Variants in EXOC6B observed in about 807,000 individuals in gnomAD.
EXOC6B encodes the protein SEC15 homolog B.
In EXOC6B, 54 loss-of-function variants were observed where a neutral mutation model predicts 113.5. That is an observed-to-expected ratio of 0.48 (90% CI 0.38 to 0.60). EXOC6B has a LOEUF of 0.60. EXOC6B is among the 20% of genes least tolerant of loss of function. EXOC6B has a pLI of 0.00. For synonymous variants in EXOC6B, 357 were observed against 339.0 expected, an observed-to-expected ratio of 1.05 and a Z score of -0.58; for missense variants, 797 against 977.5, an observed-to-expected ratio of 0.82 and a Z score of 2.46.
At chr2:72,428,402 C>T (rs927208295) in intron 18 of EXOC6B, among the ~76,000 whole-genome samples, 1 of 152,174 alleles carries the variant, frequency 6.6e-6, no homozygotes, top group African/African-American at 2.4e-5. Context: ...TCCCTGGTAC[C>T]AGCTGGGGAA....
At chr2:72,248,259 CATTTTGTGTTCAT>C (rs1462497415) in intron 20 of EXOC6B, among the ~76,000 whole-genome samples, 3 of 152,132 alleles carry the variant, frequency 2.0e-5, no homozygotes, top group Non-Finnish European at 4.4e-5. Flanking sequence ...CTTTAATCTT[CATTTTGTGTTCAT>C]ATTTATCAAC....
intron 1 of EXOC6B, among the ~76,000 whole-genome samples, chr2:72,750,132 A>G (rs1681949172): frequency 6.6e-6 from 1 of 151,792 alleles, no homozygotes; most frequent in Non-Finnish European, 1.5e-5. Context: ...ACAACACCAC[A>G]TTCAACTCCT....
At chr2:72,456,044 A>G (rs1333795558) in intron 18 of EXOC6B, among the ~76,000 whole-genome samples, 1 of 152,110 alleles carries the variant, frequency 6.6e-6, no homozygotes, top group Non-Finnish European at 1.5e-5. Context: ...CAGCTTCCAT[A>G]TTTGTTAAAT....
chr2:72,273,121 C>A (rs1374122560), intron 20 of EXOC6B, among the ~76,000 whole-genome samples: 1 of 152,044 alleles, frequency 6.6e-6, no homozygotes, highest in East Asian at 1.9e-4. Flanking sequence ...TCAAGGTATC[C>A]ATGGTCAAGA....
At chr2:72,779,915 A>C (rs1683926364) in intron 1 of EXOC6B, among the ~76,000 whole-genome samples, 1 of 152,226 alleles carries the variant, frequency 6.6e-6, no homozygotes, top group African/African-American at 2.4e-5. Context: ...GAGAGAAGAC[A>C]CAGAGGTGGG....
intron 18 of EXOC6B, among the ~76,000 whole-genome samples, chr2:72,401,596 T>TAC (rs1693269241): frequency 4.8e-5 from 2 of 41,838 alleles, no homozygotes; most frequent in Non-Finnish European, 7.2e-5. Flanking sequence ...TATATATATA[T>TAC]ATATATGTGT....
At chr2:72,327,400 C>T (rs774437867) in intron 20 of EXOC6B, among the ~76,000 whole-genome samples, 101 of 151,982 alleles carry the variant, frequency 6.6e-4, no homozygotes, top group African/African-American at 2.4e-3. Flanking sequence ...TCATCTACTA[C>T]GAATACTCCC....
At chr2:72,631,426 GTATATATATATATATATATA>G (rs376088377) in intron 6 of EXOC6B, among the ~76,000 whole-genome samples, 2 of 28,164 alleles carry the variant, frequency 7.1e-5, no homozygotes, top group South Asian at 2.0e-3. Context: ...GTGTGTGTGT[GTATATATATATATATATATA>G]TATATATATA....
At chr2:72,754,502 C>T (rs777786843) in intron 1 of EXOC6B, among the ~76,000 whole-genome samples, 4 of 151,856 alleles carry the variant, frequency 2.6e-5, no homozygotes, top group Non-Finnish European at 5.9e-5. Flanking sequence ...AAAGTGCTGG[C>T]GTTATAGGGT....
chr2:72,779,012 A>G (rs776509119), intron 1 of EXOC6B, among the ~76,000 whole-genome samples: 6 of 152,090 alleles, frequency 3.9e-5, no homozygotes, highest in Non-Finnish European at 8.8e-5. Context: ...TAACATAAAT[A>G]TTACAGTATT....
At chr2:72,195,288 A>G (rs1207467838) in intron 20 of EXOC6B, among the ~76,000 whole-genome samples, 1 of 152,158 alleles carries the variant, frequency 6.6e-6, no homozygotes, top group African/African-American at 2.4e-5. Context: ...TTTCTCACTG[A>G]TGACAGCATC....
chr2:72,711,141 GA>G (rs1679248789), intron 6 of EXOC6B, among the ~76,000 whole-genome samples: 1 of 151,330 alleles, frequency 6.6e-6, no homozygotes, highest in African/African-American at 2.4e-5. Flanking sequence ...ATTTCAAAAG[GA>G]AAACTAGAAA....
At chr2:72,214,227 C>T (rs62147580) in intron 20 of EXOC6B, among the ~76,000 whole-genome samples, 10,249 of 123,108 alleles carry the variant, frequency 0.083, 463 homozygotes, top group African/African-American at 0.14. Flanking sequence ...GTGGCTCATG[C>T]CTGTAATCCC....
intron 20 of EXOC6B, among the ~76,000 whole-genome samples, chr2:72,299,228 T>C (rs188920013): frequency 4.0e-4 from 61 of 151,874 alleles, no homozygotes; most frequent in African/African-American, 4.3e-4. Context: ...CTTTATTTCA[T>C]TGAGTTGATC....
At chr2:72,732,877 C>T (rs150661700) in intron 3 of EXOC6B, among the ~76,000 whole-genome samples, 194 bp downstream of exon 3, 2 of 152,154 alleles carry the variant, frequency 1.3e-5, no homozygotes, top group Non-Finnish European at 2.9e-5. Flanking sequence ...AACTAAGAAG[C>T]CTGTATCCTG....
intron 20 of EXOC6B, among the ~76,000 whole-genome samples, chr2:72,264,094 C>G (rs951843773): frequency 6.6e-6 from 1 of 152,144 alleles, no homozygotes; most frequent in African/African-American, 2.4e-5. Context: ...TGAACCAATA[C>G]AGAGCAGATG....
chr2:72,807,195 G>A (rs1685626959), intron 1 of EXOC6B, among the ~76,000 whole-genome samples: 1 of 152,072 alleles, frequency 6.6e-6, no homozygotes, highest in Non-Finnish European at 1.5e-5. Context: ...CTTGATTTTT[G>A]CACATGGTAT....
chr2:72,293,539 T>A (rs1685939229), intron 20 of EXOC6B, among the ~76,000 whole-genome samples: 1 of 152,188 alleles, frequency 6.6e-6, no homozygotes, highest in African/African-American at 2.4e-5. Flanking sequence ...AGGAATTGCA[T>A]ATGTCAATGT....
chr2:72,444,392 G>A (rs1345215435), intron 18 of EXOC6B, among the ~76,000 whole-genome samples: 1 of 152,154 alleles, frequency 6.6e-6, no homozygotes, highest in East Asian at 1.9e-4. Context: ...GCAAGCTATA[G>A]GTGGATCTAC....
Sources: allele counts gnomAD v4.1 joint callset (sites outside exome capture counted in the v4.1 genomes callset), GRCh38; gene constraint gnomAD v4.1.1; transcripts MANE v1.5; gene names NCBI Gene and HGNC (gene_info 2026-07-23, HGNC 2026-07-21).